ERG: variants seen among roughly 807,000 people sequenced by gnomAD.
ERG encodes the protein ETS transcription factor ERG.
Under a neutral mutation model 55.3 loss-of-function variants are expected in ERG, and 9 were observed. That is an observed-to-expected ratio of 0.16 (90% CI 0.10 to 0.28). ERG has a LOEUF of 0.28. ERG is among the 10% of genes least tolerant of loss of function. The pLI, the probability that ERG is intolerant of heterozygous loss-of-function variation, is 1.00. For missense variants in ERG, 434 were observed against 631.6 expected (o/e 0.69, Z 3.35); for synonymous variants, 223 against 237.3 (o/e 0.94, Z 0.55).
Position 38,403,609 on chromosome 21 carries a change from G to A in ERG, c.489C>T (p.Ile163=), listed in dbSNP as rs189242387. Residue 163 remains isoleucine (I), a synonymous_variant, in exon 4 of 10, where the codon ATC becomes ATT. Coordinates refer to ENST00000288319, the MANE Select transcript of ERG (RefSeq NM_182918.4). ...TCATCTTGCACAGTTCCTTCCCATC[G>A]ATGTTCTGGAATAACAAGATGTTGA... ...PDVNILLFQN[I]DGKELCKMTK... is the part of the protein sequence containing the mutation. 308 of 1,614,084 alleles carry A rather than the reference G, an allele frequency of 1.9e-4. No individual in the cohort carries two copies. The Middle Eastern group carries it at 2.0e-3, about 10-fold the overall frequency.
intron 2 of ERG, among the ~76,000 whole-genome samples, chr21:38,554,017 C>A (rs994070736): frequency 1.3e-5 from 2 of 150,804 alleles, no homozygotes; most frequent in Non-Finnish European, 3.0e-5. Context: ...AAAAAATGGG[C>A]CAAAAAAACA....
At chr21:38,616,974 T>C (rs546108592) in intron 1 of ERG, among the ~76,000 whole-genome samples, 7 of 152,318 alleles carry the variant, frequency 4.6e-5, no homozygotes, top group African/African-American at 1.7e-4. Flanking sequence ...CTACAATTAA[T>C]CTATGCATGA....
chr21:38,474,542 CTT>C (rs1355286602), intron 1 of ERG, among the ~76,000 whole-genome samples: 1 of 152,178 alleles, frequency 6.6e-6, no homozygotes, highest in Non-Finnish European at 1.5e-5. Context: ...CTCCTCAACT[CTT>C]TGCCCTAAAA....
chr21:38,532,353 A>T (rs2059678831), intron 2 of ERG, among the ~76,000 whole-genome samples: 1 of 150,268 alleles, frequency 6.7e-6, no homozygotes, highest in Non-Finnish European at 1.5e-5. Flanking sequence ...CAGCTGGAAG[A>T]CTGTGGTTAG....
chr21:38,417,387 G>C (rs888088637), intron 3 of ERG, among the ~76,000 whole-genome samples: 6 of 152,218 alleles, frequency 3.9e-5, no homozygotes, highest in Non-Finnish European at 7.3e-5. Context: ...TCTTATCTCT[G>C]AGATTACTGA....
At chr21:38,591,994 TA>T (rs1451880603) in intron 1 of ERG, among the ~76,000 whole-genome samples, 3 of 152,184 alleles carry the variant, frequency 2.0e-5, no homozygotes, top group African/African-American at 7.2e-5. Context: ...CCAGGGCACT[TA>T]AGGACGTTAC....
intron 1 of ERG, among the ~76,000 whole-genome samples, chr21:38,622,477 CCA>C (rs1183440537): frequency 6.7e-6 from 1 of 149,930 alleles, no homozygotes; most frequent in Non-Finnish European, 1.5e-5. Context: ...CACATACATG[CCA>C]CACACACATG....
chr21:38,474,598 T>C (rs970844866), intron 1 of ERG, among the ~76,000 whole-genome samples: 1 of 152,156 alleles, frequency 6.6e-6, no homozygotes, highest in Non-Finnish European at 1.5e-5. Flanking sequence ...CTAAGTCAAA[T>C]GATGCCTGTG....
At chr21:38,604,144 T>C (rs112214380) in intron 1 of ERG, among the ~76,000 whole-genome samples, 10,736 of 151,334 alleles carry the variant, frequency 0.071, 687 homozygotes, top group African/African-American at 0.17. Context: ...TTCCCAGCTA[T>C]TCGGGAGGCT....
intron 2 of ERG, among the ~76,000 whole-genome samples, chr21:38,517,521 T>C (rs2059560904): frequency 6.6e-6 from 1 of 152,020 alleles, no homozygotes; most frequent in East Asian, 1.9e-4. Flanking sequence ...GGAATGTAAA[T>C]TAGTACAGCC....
intron 1 of ERG, among the ~76,000 whole-genome samples, chr21:38,630,273 T>G (rs2060349170): frequency 6.6e-6 from 1 of 152,240 alleles, no homozygotes; most frequent in Non-Finnish European, 1.5e-5. Context: ...ATTATGTATG[T>G]TTTACCACAG....
At chr21:38,597,416 G>T (rs1219388636) in intron 1 of ERG, among the ~76,000 whole-genome samples, 2 of 151,744 alleles carry the variant, frequency 1.3e-5, no homozygotes, top group Non-Finnish European at 2.9e-5. Context: ...ATAAAGATGG[G>T]TGTAATAAGA....
At chr21:38,478,068 G>A (rs149979217) in intron 1 of ERG, among the ~76,000 whole-genome samples, 7 of 152,290 alleles carry the variant, frequency 4.6e-5, no homozygotes, top group East Asian at 1.9e-4. Context: ...CCTCAGAGAC[G>A]TGTTTGCACA....
intron 1 of ERG, among the ~76,000 whole-genome samples, chr21:38,490,443 C>T (rs2059325791): frequency 6.6e-6 from 1 of 152,212 alleles, no homozygotes; most frequent in African/African-American, 2.4e-5. Context: ...GGAACTATCA[C>T]TCTACCCATT....
In ERG at chr21:38,442,549, G is replaced by A. The variant is rs1004388826; in HGVS notation, c.236+2855C>T. Among the ~76,000 whole-genome samples the A allele has an allele frequency of 3.3e-5, 5 of 152,192 alleles. No individual in the cohort carries two copies. The South Asian group carries it at 1.0e-3, about 32-fold the overall frequency. Reference sequence around the variant, plus strand: ...TCTGCTGCGCTGAGGGCCCTGGGGCGGAACTGCCCTGGTGTCTTTCTTATG... The same window carrying A: ...TCTGCTGCGCTGAGGGCCCTGGGGCAGAACTGCCCTGGTGTCTTTCTTATG... On this transcript the variant is annotated intron_variant, in intron 2 of 9. Transcript: ENST00000288319.
In ERG at chr21:38,380,780, G is replaced by A. The variant is rs1376236347; in HGVS notation, c.*2623C>T. On this transcript the variant is annotated 3_prime_UTR_variant, in exon 10 of 10. Coordinates refer to ENST00000288319, the MANE Select transcript of ERG (RefSeq NM_182918.4). ...GGGTGGAGGGTTGAGGGATCTAATG[G>A]AAAACATCTGTTAAAATTGAATATG... The A allele has an allele frequency of 1.9e-6, 2 of 1,060,126 alleles. No individual in the cohort carries two copies. The highest frequency in any genetic ancestry group is 2.3e-6 in the Non-Finnish European group (2 of 878,424). 65.7% of individuals were successfully genotyped at this position (1,060,126 alleles called of 1,614,324 possible).
chr21:38,543,975 A>G (rs1325428102), intron 2 of ERG, among the ~76,000 whole-genome samples: 1 of 152,130 alleles, frequency 6.6e-6, no homozygotes, highest in African/African-American at 2.4e-5. Context: ...TCTGACCTCA[A>G]GTGATCTGCC....
At position 38,598,868 on chromosome 21, in the gene ERG, G is replaced by A. The variant is rs115425121; in HGVS notation, c.-149-13923C>T. On this transcript the variant is annotated intron_variant, in intron 1 of 10. Transcript: ENST00000398910. ...TCTGCACAATTAGCTCTTGTGCACC[G>A]GCACTGATAGAAGAGACCAGAGACC... 8.4e-3 allele frequency among the ~76,000 whole-genome samples: 1,272 copies of A among 152,244 alleles called. 20 individuals carry two copies. Among genetic ancestry groups the A allele is most frequent in the African/African-American group, 0.029 (1,198 of 41,518 alleles).
chr21:38,421,708 G>C (rs945880374), intron 3 of ERG, among the ~76,000 whole-genome samples: 11 of 152,204 alleles, frequency 7.2e-5, no homozygotes, highest in Non-Finnish European at 1.3e-4. Context: ...CAGTGGTGAG[G>C]TGTCCGTTCA....
Sources: allele counts gnomAD v4.1 joint callset (sites outside exome capture counted in the v4.1 genomes callset), GRCh38; gene constraint gnomAD v4.1.1; transcripts MANE v1.5; gene names NCBI Gene and HGNC (gene_info 2026-07-23, HGNC 2026-07-21).